The following DOCK7 variants were observed in gnomAD, a reference collection of about 807,000 sequenced individuals.
DOCK7 encodes dedicator of cytokinesis protein 7.
A neutral mutation model predicts 271.0 loss-of-function variants in DOCK7; 138 were observed. The ratio of observed to expected loss-of-function variants is 0.51; its 90% CI spans 0.44 to 0.59. DOCK7 has a LOEUF of 0.59. DOCK7 is among the 20% of genes least tolerant of loss of function. The pLI, the probability that DOCK7 is intolerant of heterozygous loss-of-function variation, is 0.00. For synonymous variants in DOCK7, 823 were observed against 876.1 expected (o/e 0.94, Z 1.07); for missense variants, 2,066 against 2,592.4 (o/e 0.80, Z 4.41).
chr1:62,598,707 A>T lies in DOCK7; in HGVS notation c.1683-12083T>A, dbSNP rs1421250110. On this transcript the variant is annotated intron_variant, in intron 14 of 49. Transcript: ENST00000635253. Reference sequence around the variant, plus strand: ...CTCTCTATATCCAGACTTTTGTAGAAAAACAAGATAATAGCATCAAAGACC... The same window carrying T: ...CTCTCTATATCCAGACTTTTGTAGATAAACAAGATAATAGCATCAAAGACC... 1.9e-6 allele frequency: 3 copies of T among 1,607,352 alleles called. No homozygotes were observed. The South Asian group carries it at 3.3e-5, about 18-fold the overall frequency.
At chr1:62,570,159 T>A (rs1375994216) in intron 18 of DOCK7, among the ~76,000 whole-genome samples, 3 of 152,180 alleles carry the variant, frequency 2.0e-5, no homozygotes, top group Non-Finnish European at 2.9e-5. Context: ...AAACCCACTG[T>A]CTCAGCCCAA....
chr1:62,542,490 C>T (rs1349755959), intron 25 of DOCK7, 118 bp downstream of exon 25: 10 of 915,496 alleles, frequency 1.1e-5, no homozygotes, highest in Non-Finnish European at 1.6e-5. Flanking sequence ...GTCTTAGAGG[C>T]ACATGGAAAA....
At chr1:62,573,999 G>A (rs915994913) in intron 18 of DOCK7, among the ~76,000 whole-genome samples, 7 of 152,168 alleles carry the variant, frequency 4.6e-5, no homozygotes, top group Admixed American at 4.6e-4. Flanking sequence ...AAAAGGGGAG[G>A]AGTCAGGAAG....
In DOCK7 at chr1:62,647,577, T is replaced by C; in HGVS notation, c.818+114A>G. ...GTATTTAAAATGACATGTAGAACAA[T>C]ACTTCTCAAAAGGACACAAATGCAA... On this transcript the variant is annotated intron_variant, in intron 7 of 49. Coordinates refer to ENST00000635253, the MANE Select transcript of DOCK7 (RefSeq NM_001367561.1). 3 of 722,214 alleles carry C rather than the reference T, an allele frequency of 4.2e-6. No homozygotes were observed. In the South Asian group the frequency reaches 5.4e-5, roughly 13 times the overall value. 44.7% of individuals were successfully genotyped at this position (722,214 alleles called of 1,614,324 possible). A position where few individuals can be genotyped will look rare whatever the true frequency, so the allele number is the denominator to read the frequency against.
At chr1:62,635,798 C>CA (rs1655193389) in intron 8 of DOCK7, 1 of 151,574 alleles carries the variant, frequency 6.6e-6, no homozygotes, top group Non-Finnish European at 1.5e-5. Context: ...CGGGGCCGGG[C>CA]GGGGGGTGGT....
intron 11 of DOCK7, among the ~76,000 whole-genome samples, chr1:62,630,905 C>A (rs533763586): frequency 6.6e-6 from 1 of 151,976 alleles, no homozygotes; most frequent in African/African-American, 2.4e-5. Context: ...AAAAAAGAGG[C>A]CGGGCATGGT....
At chr1:62,676,125 A>C (rs1320019823) in intron 1 of DOCK7, among the ~76,000 whole-genome samples, 1 of 152,236 alleles carries the variant, frequency 6.6e-6, no homozygotes. Flanking sequence ...AAAAGGTAGA[A>C]ACAACGTAAA....
rs190337272 is a variant in DOCK7, at chr1:62,590,474, C to G, written c.1683-3850G>C. Among the ~76,000 whole-genome samples, 91 of 152,124 alleles carry G rather than the reference C, an allele frequency of 6.0e-4. No individual in the cohort carries two copies. In the South Asian group the frequency reaches 7.1e-3, roughly 12 times the overall value. On this transcript the variant is annotated intron_variant, in intron 14 of 49. Transcript: ENST00000635253. The stretch of plus-strand genomic sequence containing the variant: ...TTAACCTGAAGTATGTCTATAATTC[C>G]TCATTGCAATGTTTATTGAGTATCC...
chr1:62,686,018 T>G (rs1013940379), intron 1 of DOCK7, among the ~76,000 whole-genome samples: 43 of 152,346 alleles, frequency 2.8e-4, no homozygotes, highest in African/African-American at 7.9e-4. Context: ...TCCCATCTGG[T>G]GGCGAACTCC....
At chr1:62,668,065 AAC>A (rs1419736526) in intron 1 of DOCK7, among the ~76,000 whole-genome samples, 1 of 152,088 alleles carries the variant, frequency 6.6e-6, no homozygotes, top group African/African-American at 2.4e-5. Context: ...GAAAGAAAAC[AAC>A]AGACTAAAGA....
At chr1:62,663,184 C>T (rs562555996) in intron 1 of DOCK7, 54 bp from the exon 2 acceptor site, 73 of 1,279,226 alleles carry the variant, frequency 5.7e-5, no homozygotes, top group Non-Finnish European at 7.7e-5. Flanking sequence ...AAAAACTAAA[C>T]TAGTTTAAAA....
chr1:62,469,334 T>A (rs1645764508), intron 48 of DOCK7, among the ~76,000 whole-genome samples: 1 of 152,118 alleles, frequency 6.6e-6, no homozygotes, highest in East Asian at 1.9e-4. Context: ...GACACCCTAT[T>A]CAACAAATGA....
intron 18 of DOCK7, among the ~76,000 whole-genome samples, chr1:62,568,606 A>T (rs549218765): frequency 1.1e-4 from 13 of 121,420 alleles, no homozygotes; most frequent in Admixed American, 4.6e-4. Context: ...TGCCCTGCCT[A>T]AAAAAAAAAA....
chr1:62,468,305 G>A (rs1256921615), intron 48 of DOCK7, among the ~76,000 whole-genome samples: 2 of 148,048 alleles, frequency 1.4e-5, no homozygotes, highest in African/African-American at 2.5e-5. Flanking sequence ...AGGTTGCAGT[G>A]AGCCAAGATC....
At chr1:62,563,967 A>G (rs942413638) in intron 18 of DOCK7, among the ~76,000 whole-genome samples, 1 of 151,608 alleles carries the variant, frequency 6.6e-6, no homozygotes, top group Non-Finnish European at 1.5e-5. Flanking sequence ...ATCAACAGAG[A>G]CAAAGAAGGG....
chr1:62,487,409 T>C lies in DOCK7; in HGVS notation c.5497A>G (p.Thr1833Ala). 1 of 1,611,200 alleles carries C rather than the reference T, an allele frequency of 6.2e-7. No homozygotes were observed. The highest frequency in any genetic ancestry group is 8.5e-7 in the Non-Finnish European group (1 of 1,178,000). Residue 1833 changes from threonine to alanine, a missense_variant, in exon 43 of 50, where the codon ACT becomes GCT. Physicochemically the swap from Thr to Ala is moderately conservative, Grantham distance 58. Around this residue, in one of 2 missense-constraint regions of DOCK7, gnomAD observed 652 missense variants for 922.1 expected, o/e 0.71. Transcript: ENST00000635253. ...AAAACATTACCTACCTCCCAGCCAG[T>C]ACTCTGTATAATAAAAAGTAAAAAA... The part of the protein sequence containing the change: ...EAFSKIVHQS[T>A]GWERMFGTYF...
rs575990486 is a variant in DOCK7 at position 62,666,145 on chromosome 1, C to A, written c.39-3015G>T. Among the ~76,000 whole-genome samples the A allele has an allele frequency of 5.3e-5, 8 of 152,208 alleles. No homozygotes were observed. In the South Asian group the frequency reaches 1.2e-3, roughly 24 times the overall value. ...CACCACTGCACTCCAGCCTGGGCGA[C>A]AGAGTGAGACTCTGTCACAAAAATA... On this transcript the variant is annotated intron_variant, in intron 1 of 49. Transcript: ENST00000635253.
chr1:62,582,545 G>A (rs1290072224), intron 16 of DOCK7, among the ~76,000 whole-genome samples: 34 of 58,266 alleles, frequency 5.8e-4, no homozygotes, highest in African/African-American at 7.8e-4. Flanking sequence ...GCGAGACTCC[G>A]TCTCAAAAAA....
intron 43 of DOCK7, chr1:62,485,009 C>T (rs920012834): frequency 2.1e-5 from 7 of 333,676 alleles, no homozygotes; most frequent in Non-Finnish European, 4.3e-6. Flanking sequence ...TGGCATGCGC[C>T]TACAGTCCTA....
Sources: gnomAD v4.1 joint callset for allele counts (sites outside exome capture counted in the v4.1 genomes callset) on GRCh38, gnomAD v4.1.1 for gene constraint, gnomAD v4.1.1 regional missense constraint, MANE v1.5 for transcripts, NCBI Gene and HGNC (gene_info 2026-07-23, HGNC 2026-07-21) for gene names.